DGKI: variants seen among roughly 807,000 people sequenced by gnomAD.
DGKI encodes the protein DAG kinase iota.
DGKI carries 55 observed loss-of-function variants against 147.5 expected under a neutral mutation model. The observed-to-expected ratio is 0.37, with a 90% CI of 0.30 to 0.47. The LOEUF (loss-of-function observed/expected upper bound fraction) is 0.47, where lower values mean the gene tolerates loss of function less well. Among genes scored for constraint, DGKI ranks in the 20% least tolerant of loss-of-function variants. The pLI, the probability that DGKI is intolerant of heterozygous loss-of-function variation, is 1.00. For synonymous variants in DGKI, 469 were observed against 477.1 expected (o/e 0.98, Z 0.22); for missense variants, 1,007 against 1,323.8 (o/e 0.76, Z 3.71).
At chr7:137,472,032 AC>A (rs2128929119) in intron 23 of DGKI, among the ~76,000 whole-genome samples, 1 of 132,234 alleles carries the variant, frequency 7.6e-6, no homozygotes, top group African/African-American at 2.9e-5. Flanking sequence ...TATATTATAT[AC>A]ACACTATATA....
At chr7:137,793,501 A>G (rs7792693) in intron 1 of DGKI, among the ~76,000 whole-genome samples, 8,546 of 152,040 alleles carry the variant, frequency 0.056, 507 homozygotes, top group East Asian at 0.22. Context: ...GGGTTTCACC[A>G]TGTTGGCCAG....
At chr7:137,496,614 C>T (rs554751105) in intron 21 of DGKI, among the ~76,000 whole-genome samples, 2 of 151,744 alleles carry the variant, frequency 1.3e-5, no homozygotes, top group Admixed American at 1.3e-4. Context: ...ACAGACAAAT[C>T]AAACAGAATA....
At chr7:137,626,620 TC>T (rs1820950120) in intron 6 of DGKI, among the ~76,000 whole-genome samples, 1 of 151,774 alleles carries the variant, frequency 6.6e-6, no homozygotes, top group African/African-American at 2.4e-5. Flanking sequence ...CTCCTCATCA[TC>T]CCCCAAGCCA....
At chr7:137,425,917 G>T (rs1360483091) in intron 28 of DGKI, among the ~76,000 whole-genome samples, 1 of 152,148 alleles carries the variant, frequency 6.6e-6, no homozygotes, top group South Asian at 2.1e-4. Context: ...CCAAATCTAC[G>T]TCTGATTGGT....
At chr7:137,493,088 T>C (rs1173018751) in intron 21 of DGKI, among the ~76,000 whole-genome samples, 1 of 152,162 alleles carries the variant, frequency 6.6e-6, no homozygotes, top group African/African-American at 2.4e-5. Flanking sequence ...GGGACGTATC[T>C]ACGACCCACT....
chr7:137,452,566 G>A (rs533447490), intron 27 of DGKI, among the ~76,000 whole-genome samples: 9 of 152,238 alleles, frequency 5.9e-5, no homozygotes, highest in East Asian at 1.9e-4. Flanking sequence ...CACTATATGC[G>A]TATTTTATTC....
intron 1 of DGKI, among the ~76,000 whole-genome samples, chr7:137,735,566 T>G (rs971215179): frequency 6.6e-6 from 1 of 152,084 alleles, no homozygotes; most frequent in African/African-American, 2.4e-5. Flanking sequence ...TAAAATAAAT[T>G]ATATTTTCTT....
chr7:137,841,866 T>A (rs893325683), intron 1 of DGKI, among the ~76,000 whole-genome samples: 1 of 152,206 alleles, frequency 6.6e-6, no homozygotes, highest in Non-Finnish European at 1.5e-5. Context: ...ACAGCAGAAT[T>A]GAACACCAGC....
chr7:137,576,856 A>AT (rs931703227), intron 17 of DGKI, among the ~76,000 whole-genome samples: 19 of 151,626 alleles, frequency 1.3e-4, no homozygotes, highest in Middle Eastern at 6.8e-3. Context: ...AGCTAACATC[A>AT]TTTTTTTTTA....
intron 1 of DGKI, among the ~76,000 whole-genome samples, chr7:137,829,603 G>A (rs545167882): frequency 2.0e-5 from 3 of 152,258 alleles, no homozygotes; most frequent in East Asian, 1.9e-4. Context: ...AGAAGGAACC[G>A]GATTTCAAAT....
At chr7:137,487,752 AT>A in intron 21 of DGKI, 63 bp from the exon 22 acceptor site, 1 of 1,455,404 alleles carries the variant, frequency 6.9e-7, no homozygotes, top group South Asian at 1.2e-5. Context: ...ATCAGCATAA[AT>A]GTGTTTCTCG....
At chr7:137,804,616 T>A (rs1039769263) in intron 1 of DGKI, among the ~76,000 whole-genome samples, 1 of 152,224 alleles carries the variant, frequency 6.6e-6, no homozygotes, top group Admixed American at 6.5e-5. Context: ...GTGTTTAACA[T>A]TGATTCTAGC....
intron 1 of DGKI, among the ~76,000 whole-genome samples, chr7:137,749,767 A>G (rs968836983): frequency 6.6e-6 from 1 of 152,168 alleles, no homozygotes; most frequent in Non-Finnish European, 1.5e-5. Context: ...CATGAGGTCT[A>G]TGAGCACCGA....
At chr7:137,825,124 CTG>C (rs1798017900) in intron 1 of DGKI, among the ~76,000 whole-genome samples, 1 of 152,222 alleles carries the variant, frequency 6.6e-6, no homozygotes, top group South Asian at 2.1e-4. Flanking sequence ...AATTGCCACA[CTG>C]TCTTCCACAA....
chr7:137,545,310 T>C (rs1817827965), intron 20 of DGKI, among the ~76,000 whole-genome samples: 1 of 152,176 alleles, frequency 6.6e-6, no homozygotes, highest in African/African-American at 2.4e-5. Flanking sequence ...CACAAAATAA[T>C]TCTGAGCTGA....
chr7:137,532,062 T>C (rs575996745), intron 20 of DGKI, among the ~76,000 whole-genome samples: 1 of 151,872 alleles, frequency 6.6e-6, no homozygotes, highest in Admixed American at 6.6e-5. Flanking sequence ...TCAGAATGTG[T>C]TATAAATAAA....
intron 1 of DGKI, among the ~76,000 whole-genome samples, chr7:137,830,445 T>C (rs1464766233): frequency 6.6e-6 from 1 of 152,194 alleles, no homozygotes; most frequent in Non-Finnish European, 1.5e-5. Flanking sequence ...AATTCATGCA[T>C]CCCAGACTTG....
intron 1 of DGKI, among the ~76,000 whole-genome samples, chr7:137,746,716 G>T (rs976725854): frequency 6.6e-6 from 1 of 152,066 alleles, no homozygotes; most frequent in African/African-American, 2.4e-5. Flanking sequence ...TGAAGTTTAG[G>T]TGTAGATCTG....
intron 12 of DGKI, among the ~76,000 whole-genome samples, chr7:137,592,362 C>G (rs1439073787): frequency 2.0e-5 from 3 of 152,210 alleles, no homozygotes; most frequent in African/African-American, 7.2e-5. Flanking sequence ...AAGTTCTTTC[C>G]TTCCTTCCTA....
Sources: allele counts gnomAD v4.1 joint callset (sites outside exome capture counted in the v4.1 genomes callset), GRCh38; gene constraint gnomAD v4.1.1; transcripts MANE v1.5; gene names NCBI Gene and HGNC (gene_info 2026-07-23, HGNC 2026-07-21).